The following LINGO2 variants were observed in gnomAD, a reference collection of about 807,000 sequenced individuals.
LINGO2 encodes leucine rich repeat and Ig domain containing 2.
LINGO2 carries 14 observed loss-of-function variants against 30.6 expected under a neutral mutation model. That is an observed-to-expected ratio of 0.46 (90% CI 0.30 to 0.72). The LOEUF is 0.72. Ranked by LOEUF, LINGO2 falls within the 30% of genes least tolerant of loss-of-function variation. The pLI is 0.07. For missense variants in LINGO2, 729 were observed against 751.7 expected, an observed-to-expected ratio of 0.97 and a Z score of 0.35; for synonymous variants, 317 against 288.5, an observed-to-expected ratio of 1.10 and a Z score of -1.00.
At chr9:28,551,139 G>T (rs1822258556) in intron 1 of LINGO2, among the ~76,000 whole-genome samples, 1 of 151,622 alleles carries the variant, frequency 6.6e-6, no homozygotes, top group Admixed American at 6.6e-5. Flanking sequence ...ACAATAAAAA[G>T]ATAATCATTA....
At chr9:28,316,755 T>C (rs568920911) in intron 3 of LINGO2, among the ~76,000 whole-genome samples, 2 of 152,256 alleles carry the variant, frequency 1.3e-5, no homozygotes, top group South Asian at 4.1e-4. Flanking sequence ...TATAAGATTA[T>C]AGAAGAGGGT....
intron 4 of LINGO2, among the ~76,000 whole-genome samples, chr9:28,172,110 G>A (rs544149161): frequency 6.8e-6 from 1 of 146,432 alleles, no homozygotes; most frequent in Admixed American, 7.0e-5. Flanking sequence ...AAGAATTCAC[G>A]GCCCGGCGCG....
chr9:28,674,419 A>G (rs114799085), upstream of LINGO2, among the ~76,000 whole-genome samples: 422 of 152,264 alleles, frequency 2.8e-3, 3 homozygotes, highest in African/African-American at 9.7e-3. Context: ...TTACAAGGAA[A>G]AATATCAACC....
At chr9:28,907,641 G>C in the LINGO2 span, among the ~76,000 whole-genome samples, 3 of 151,730 alleles carry the variant, frequency 2.0e-5, no homozygotes, top group East Asian at 1.9e-4. Context: ...AGGAGGAAGA[G>C]AGGTCATTTA....
chr9:28,055,056 A>C (rs1485640034), intron 4 of LINGO2, among the ~76,000 whole-genome samples: 2 of 152,128 alleles, frequency 1.3e-5, no homozygotes, highest in Non-Finnish European at 2.9e-5. Context: ...ATAGCCTCCC[A>C]GAGGGAAGCT....
At chr9:29,176,176 T>G in the LINGO2 span, among the ~76,000 whole-genome samples, 1 of 152,158 alleles carries the variant, frequency 6.6e-6, no homozygotes, top group Non-Finnish European at 1.5e-5. Flanking sequence ...TACTCCCATT[T>G]TATACATGAG....
the LINGO2 span, among the ~76,000 whole-genome samples, chr9:29,164,583 G>T: frequency 6.6e-6 from 1 of 151,546 alleles, no homozygotes; most frequent in African/African-American, 2.4e-5. Flanking sequence ...GCAGTTGGGT[G>T]GGGGGTTGGG....
intron 2 of LINGO2, among the ~76,000 whole-genome samples, chr9:28,379,569 A>C (rs1159745188): frequency 6.6e-6 from 1 of 152,076 alleles, no homozygotes; most frequent in Admixed American, 6.6e-5. Flanking sequence ...CCTAATACAG[A>C]ATGGTTTAGG....
the LINGO2 span, among the ~76,000 whole-genome samples, chr9:28,793,218 AG>A: frequency 6.6e-6 from 1 of 152,168 alleles, no homozygotes; most frequent in African/African-American, 2.4e-5. Context: ...AAAATGACAA[AG>A]TTCACAGAAA....
At chr9:28,903,685 C>G in the LINGO2 span, among the ~76,000 whole-genome samples, 1 of 152,150 alleles carries the variant, frequency 6.6e-6, no homozygotes, top group Admixed American at 6.6e-5. Flanking sequence ...GCTATATTGC[C>G]TAGACTGGTC....
intron 2 of LINGO2, among the ~76,000 whole-genome samples, chr9:28,380,548 G>T (rs1357129477): frequency 6.6e-6 from 1 of 151,952 alleles, no homozygotes; most frequent in Non-Finnish European, 1.5e-5. Context: ...ATGAAAACCA[G>T]ACAAGTTGAA....
chr9:28,053,909 T>C lies in LINGO2; in HGVS notation c.-86-41504A>G, dbSNP rs114864235. On this transcript the variant is annotated intron_variant, in intron 4 of 5. Transcript: ENST00000379992. ...TATCAATAGCTAGCCAAAGAATAGA[T>C]ACTCAAATGAAGACAACTGAGTAAC... 5.3e-3 allele frequency among the ~76,000 whole-genome samples: 799 copies of C among 152,168 alleles called. 13 individuals carry two copies. Among genetic ancestry groups the C allele is most frequent in the African/African-American group, 0.017 (720 of 41,534 alleles).
intron 4 of LINGO2, among the ~76,000 whole-genome samples, chr9:28,109,414 G>A (rs933652308): frequency 4.6e-5 from 7 of 152,116 alleles, no homozygotes; most frequent in Non-Finnish European, 2.9e-5. Flanking sequence ...GCAATAGAAT[G>A]AAATAATGGG....
At chr9:28,946,765 T>C in the LINGO2 span, among the ~76,000 whole-genome samples, 2 of 152,042 alleles carry the variant, frequency 1.3e-5, no homozygotes, top group African/African-American at 2.4e-5. Context: ...CCCACAGAAA[T>C]GGTGCTATTA....
chr9:28,489,179 T>G (rs1156387328), intron 1 of LINGO2, among the ~76,000 whole-genome samples: 1 of 152,154 alleles, frequency 6.6e-6, no homozygotes, highest in Non-Finnish European at 1.5e-5. Flanking sequence ...TTATAAATGA[T>G]CATGATATCA....
At chr9:28,233,062 T>TATATATATA (rs1564063017) in intron 4 of LINGO2, among the ~76,000 whole-genome samples, 5 of 45,428 alleles carry the variant, frequency 1.1e-4, no homozygotes, top group African/African-American at 8.7e-4. Flanking sequence ...ATATATATAT[T>TATATATATA]AGATATATAA....
chr9:28,636,895 C>T (rs1294062576), intron 1 of LINGO2, among the ~76,000 whole-genome samples: 3 of 152,084 alleles, frequency 2.0e-5, no homozygotes, highest in Admixed American at 1.3e-4. Flanking sequence ...AGGTCCTTGC[C>T]CATGCCTATG....
rs537441597 is a variant in LINGO2, at chr9:28,251,630, A to G, written c.-87+43578T>C. On this transcript the variant is annotated intron_variant, in intron 4 of 5. Coordinates refer to ENST00000379992, the Ensembl canonical transcript of LINGO2. The stretch of plus-strand genomic sequence containing the variant: ...GGCATCACATTCTGATTTAGTGCTT[A>G]TTCAAAAATAGAACTGTTTTCTTTC... 2.0e-5 allele frequency among the ~76,000 whole-genome samples: 3 copies of G among 152,288 alleles called. No homozygotes were observed. In the South Asian group the frequency reaches 6.2e-4, roughly 32 times the overall value.
Position 28,054,735 on chromosome 9 carries a change from A to G in LINGO2, c.-86-42330T>C, listed in dbSNP as rs377626336. ...GTTTAAGTTAAAAACCCAATAGCTTATATTGATATCCACAAATACCATATT... is the reference window on the plus strand; with the variant it reads ...GTTTAAGTTAAAAACCCAATAGCTTGTATTGATATCCACAAATACCATATT... On this transcript the variant is annotated intron_variant, in intron 4 of 5. Transcript: ENST00000379992. 1.8e-4 allele frequency among the ~76,000 whole-genome samples: 28 copies of G among 152,282 alleles called. No individual in the cohort carries two copies. In the South Asian group the frequency reaches 5.8e-3, roughly 32 times the overall value.
Sources: gnomAD v4.1 joint callset for allele counts (sites outside exome capture counted in the v4.1 genomes callset) on GRCh38, gnomAD v4.1.1 for gene constraint, MANE v1.5 for transcripts, NCBI Gene and HGNC (gene_info 2026-07-23, HGNC 2026-07-21) for gene names.